The following ZNF44 variants were observed in gnomAD, a reference collection of about 807,000 sequenced individuals.
ZNF44 encodes the protein zinc finger protein 44.
ZNF44 carries 9 observed loss-of-function variants against 11.7 expected under a neutral mutation model. The ratio of observed to expected loss-of-function variants is 0.77; its 90% CI spans 0.46 to 1.35. The LOEUF (loss-of-function observed/expected upper bound fraction) is 1.35. ZNF44 is among the 40% of genes most tolerant of loss of function. The pLI, the probability that ZNF44 is intolerant of heterozygous loss-of-function variation, is 0.00. For missense variants in ZNF44, 696 were observed against 743.1 expected, an observed-to-expected ratio of 0.94 and a Z score of 0.74; for synonymous variants, 224 against 242.7, an observed-to-expected ratio of 0.92 and a Z score of 0.72.
chr19:12,248,435 T>C (rs1310690786), exon 8 of ZNF44: 1 of 1,291,106 alleles, frequency 7.7e-7, no homozygotes, highest in South Asian at 1.2e-5. Context: ...GTTTCCCACA[T>C]TTCTTACATT....
downstream of ZNF44, among the ~76,000 whole-genome samples, chr19:12,225,998 T>A (rs775873627): frequency 1.4e-4 from 21 of 152,178 alleles, no homozygotes; most frequent in Non-Finnish European, 2.5e-4. Flanking sequence ...ATAGTAAGAA[T>A]TGAAAAACAT....
chr19:12,239,593 T>TC, upstream of ZNF44, among the ~76,000 whole-genome samples: 1 of 140,294 alleles, frequency 7.1e-6, no homozygotes, highest in Middle Eastern at 3.7e-3. Flanking sequence ...TTTTTTTTTT[T>TC]GAGATAGAGT....
intron 2 of ZNF44, among the ~76,000 whole-genome samples, chr19:12,232,368 C>G (rs1300186766): frequency 1.3e-5 from 2 of 152,154 alleles, no homozygotes; most frequent in East Asian, 3.9e-4. Context: ...AGCACAGACC[C>G]TTTACGGGTG....
At chr19:12,254,386 T>G (rs1218018215) in intron 5 of ZNF44, among the ~76,000 whole-genome samples, 1 of 152,212 alleles carries the variant, frequency 6.6e-6, no homozygotes, top group Non-Finnish European at 1.5e-5. Context: ...TTAAAGATTT[T>G]TTCCTTTTGT....
chr19:12,293,262 C>T, intron 1 of ZNF44: 1 of 1,536,990 alleles, frequency 6.5e-7, no homozygotes, highest in Admixed American at 2.0e-5. Flanking sequence ...ACTCCAACAC[C>T]TCAGGCTGTC....
intron 3 of ZNF44, among the ~76,000 whole-genome samples, chr19:12,228,856 AATT>A (rs1406292534): frequency 5.9e-5 from 9 of 152,198 alleles, no homozygotes; most frequent in Admixed American, 5.9e-4. Context: ...CTTATTAAAA[AATT>A]ATACAAAGAT....
intron 5 of ZNF44, among the ~76,000 whole-genome samples, chr19:12,266,561 C>G (rs115503265): frequency 6.6e-6 from 1 of 152,132 alleles, no homozygotes; most frequent in African/African-American, 2.4e-5. Context: ...GGGTGGGGGA[C>G]ACAGTGCAGA....
At chr19:12,229,880 G>A (rs1916085748) in intron 3 of ZNF44, among the ~76,000 whole-genome samples, 1 of 152,122 alleles carries the variant, frequency 6.6e-6, no homozygotes, top group African/African-American at 2.4e-5. Flanking sequence ...CCAAAGTGCT[G>A]GGATTATAGA....
Position 12,293,967 on chromosome 19 carries a change from A to C in ZNF44, c.3+725T>G, listed in dbSNP as rs188124271. On this transcript the variant is annotated intron_variant, in intron 1 of 3. Coordinates refer to ENST00000355684, the MANE Select transcript of ZNF44 (RefSeq NM_016264.4). ...GGAGGCGAGATTGCAGTTAGATATT[A>C]ACCAGGTGCCCTCAGCCCCGCTGCT... Among the ~76,000 whole-genome samples the C allele has an allele frequency of 4.6e-3, 697 of 151,196 alleles. 1 individual carries two copies. Among genetic ancestry groups the C allele is most frequent in the African/African-American group, 0.016 (660 of 41,408 alleles).
At chr19:12,263,679 A>C (rs1413923857) in intron 5 of ZNF44, among the ~76,000 whole-genome samples, 1 of 152,020 alleles carries the variant, frequency 6.6e-6, no homozygotes, top group African/African-American at 2.4e-5. Flanking sequence ...TAATCCCAGC[A>C]CTTTGGGAGG....
chr19:12,276,991 A>G lies in ZNF44; in HGVS notation c.4-909T>C, dbSNP rs149347757. On this transcript the variant is annotated intron_variant, in intron 1 of 3. Transcript: ENST00000355684. ...CACTTTGACCTTACTTGATCTTCCCAGCTTTCAGAACTGCAAAAAATAAAT... is the reference window on the plus strand; with the variant it reads ...CACTTTGACCTTACTTGATCTTCCCGGCTTTCAGAACTGCAAAAAATAAAT... Among the ~76,000 whole-genome samples, 1,149 of 152,252 alleles carry G rather than the reference A, an allele frequency of 7.5e-3. 16 individuals are homozygous for G. Among genetic ancestry groups the G allele is most frequent in the African/African-American group, 0.026 (1,078 of 41,550 alleles).
At position 12,283,350 on chromosome 19, in the gene ZNF44, CAG is replaced by C. The variant is rs796185533; in HGVS notation, c.4-7270_4-7269del. Among the ~76,000 whole-genome samples the C allele has an allele frequency of 1.6e-3, 248 of 152,208 alleles. 1 individual carries two copies. Among genetic ancestry groups the C allele is most frequent in the African/African-American group, 5.8e-3 (243 of 41,542 alleles). ...CAGAAATTTTTTTTTCTTTTTGAGACAGAGTCTCGCACTGTCTACCCAGACTT... is the reference window on the plus strand; with the variant it reads ...CAGAAATTTTTTTTTCTTTTTGAGACAGTCTCGCACTGTCTACCCAGACTT... On this transcript the variant is annotated intron_variant, in intron 1 of 3. Transcript: ENST00000355684.
intron 1 of ZNF44, among the ~76,000 whole-genome samples, chr19:12,282,744 C>A (rs1432582704): frequency 6.6e-6 from 1 of 151,976 alleles, no homozygotes; most frequent in African/African-American, 2.4e-5. Context: ...AATTAAATGG[C>A]TTACATTCTG....
At chr19:12,256,176 G>A (rs1435734709) in intron 5 of ZNF44, among the ~76,000 whole-genome samples, 5 of 151,862 alleles carry the variant, frequency 3.3e-5, no homozygotes, top group African/African-American at 1.2e-4. Flanking sequence ...GCAAGTCACA[G>A]CATAACTGGA....
chr19:12,251,810 G>C (rs1358035125), intron 5 of ZNF44, among the ~76,000 whole-genome samples: 1 of 152,098 alleles, frequency 6.6e-6, no homozygotes, highest in African/African-American at 2.4e-5. Flanking sequence ...CCAGCACTTT[G>C]GGGGGCCGAG....
At chr19:12,262,372 G>A (rs1312441732) in intron 5 of ZNF44, among the ~76,000 whole-genome samples, 1 of 152,070 alleles carries the variant, frequency 6.6e-6, no homozygotes, top group Non-Finnish European at 1.5e-5. Context: ...CCAGGTTCAA[G>A]CAATTCTCCT....
chr19:12,292,493 G>GTAAC (rs1395526464), intron 1 of ZNF44, among the ~76,000 whole-genome samples: 1 of 151,966 alleles, frequency 6.6e-6, no homozygotes, highest in Non-Finnish European at 1.5e-5. Context: ...TCTTTTCAGG[G>GTAAC]TAACTAACCC....
At chr19:12,233,559 A>C (rs1916249104) in intron 2 of ZNF44, among the ~76,000 whole-genome samples, 1 of 151,778 alleles carries the variant, frequency 6.6e-6, no homozygotes, top group African/African-American at 2.4e-5. Flanking sequence ...TCAAAAAAAA[A>C]AAAAAAAAAA....
At chr19:12,271,092 A>C (rs1286933172), downstream of ZNF44, among the ~76,000 whole-genome samples, 1 of 152,130 alleles carries the variant, frequency 6.6e-6, no homozygotes, top group Non-Finnish European at 1.5e-5. Flanking sequence ...CAGAAGATTA[A>C]GAAGAGGAGC....
Sources: gnomAD v4.1 joint callset for allele counts (sites outside exome capture counted in the v4.1 genomes callset) on GRCh38, gnomAD v4.1.1 for gene constraint, MANE v1.5 for transcripts, NCBI Gene and HGNC (gene_info 2026-07-23, HGNC 2026-07-21) for gene names.